Variants in IFIT1 observed in about 807,000 individuals in gnomAD.
The protein encoded by IFIT1 is antiviral innate immune response effector IFIT1.
A neutral mutation model predicts 2.5 loss-of-function variants in IFIT1; 1 was observed. The observed-to-expected ratio is 0.40, with a 90% CI of 0.14 to 1.92. The LOEUF is 1.92. IFIT1 is among the 40% of genes most tolerant of loss of function. The pLI, the probability that IFIT1 is intolerant of heterozygous loss-of-function variation, is 0.31. For synonymous variants in IFIT1, 191 were observed against 201.7 expected, an observed-to-expected ratio of 0.95 and a Z score of 0.45; for missense variants, 508 against 557.8, an observed-to-expected ratio of 0.91 and a Z score of 0.90.
rs187430618 is a variant in IFIT1 at position 89,403,753 on chromosome 10, A to C, written c.*41A>C. On this transcript the variant is annotated 3_prime_UTR_variant, in exon 2 of 2. Transcript: ENST00000371804. ...CCACTTTCACATTTCATTTCATTTT[A>C]TGCTAACATTTACTAATCATCTTTT... 2.8e-6 allele frequency: 3 copies of C among 1,086,376 alleles called. No homozygotes were observed. The South Asian group carries it at 4.5e-5, about 16-fold the overall frequency. 67.3% of individuals were successfully genotyped at this position (1,086,376 alleles called of 1,614,324 possible). A position where few individuals can be genotyped will look rare whatever the true frequency, so the allele number is the denominator to read the frequency against.
Position 89,403,683 on chromosome 10 carries a change from T to A in IFIT1, c.1408T>A (p.Phe470Ile). The A allele has an allele frequency of 1.3e-6, 2 of 1,598,440 alleles. No individual in the cohort carries two copies. The highest frequency in any genetic ancestry group is 1.7e-6 in the Non-Finnish European group (2 of 1,174,568). Residue 470 changes from phenylalanine (F) to isoleucine (I), a missense_variant, in exon 2 of 2, where the codon TTT becomes ATT. Phe to Ile is a conservative substitution (Grantham distance 21). Coordinates refer to ENST00000371804, the MANE Select transcript of IFIT1 (RefSeq NM_001548.5). ...YERALRLAAD[F>I]ENSVRQGP Reference sequence around the variant, plus strand: ...GCGGGCCCTGAGACTGGCTGCTGACTTTGAGAACTCTGTGAGACAAGGTCC... The same window carrying A: ...GCGGGCCCTGAGACTGGCTGCTGACATTGAGAACTCTGTGAGACAAGGTCC...
In IFIT1 at chr10:89,403,621, T is replaced by G; in HGVS notation, c.1346T>G (p.Leu449Trp). The G allele has an allele frequency of 6.2e-7, 1 of 1,614,074 alleles. No homozygotes were observed. The highest frequency in any genetic ancestry group is 8.5e-7 in the Non-Finnish European group (1 of 1,179,978). ...SLSLLGFVYKLEGNMNEALEY... is the reference protein window; with the variant it reads ...SLSLLGFVYKWEGNMNEALEY... ...AGCCTCCTTGGGTTCGTCTACAAAT[T>G]GGAAGGAAATATGAATGAAGCCCTG... The change falls in exon 2 of 2, where the codon TTG becomes TGG. Residue 449 changes from leucine (L) to tryptophan (W), a missense_variant. Physicochemically the swap from Leu to Trp is moderately conservative, Grantham distance 61. Transcript: ENST00000371804.
chr10:89,401,332 G>A (rs531055950), intron 1 of IFIT1, among the ~76,000 whole-genome samples: 3 of 152,038 alleles, frequency 2.0e-5, no homozygotes, highest in African/African-American at 4.8e-5. Context: ...ATGTTGGTCA[G>A]CTGGTCTCAA....
intron 1 of IFIT1, among the ~76,000 whole-genome samples, chr10:89,400,843 G>A (rs1001597773): frequency 1.3e-5 from 2 of 152,122 alleles, no homozygotes; most frequent in African/African-American, 2.4e-5. Flanking sequence ...ATTCCTGATC[G>A]TGGAGGAAAA....
chr10:89,401,399 G>T (rs1473122702), intron 1 of IFIT1, among the ~76,000 whole-genome samples: 1 of 152,098 alleles, frequency 6.6e-6, no homozygotes, highest in Non-Finnish European at 1.5e-5. Flanking sequence ...GGGATTACAG[G>T]TGTGAGCCAC....
intron 1 of IFIT1, among the ~76,000 whole-genome samples, chr10:89,397,994 A>G (rs1433107118): frequency 1.3e-5 from 2 of 152,168 alleles, no homozygotes; most frequent in Admixed American, 6.5e-5. Context: ...TTTATTGTGC[A>G]ACCATGACCA....
intron 1 of IFIT1, among the ~76,000 whole-genome samples, chr10:89,400,545 G>A (rs559993655): frequency 6.6e-6 from 1 of 152,254 alleles, no homozygotes; most frequent in African/African-American, 2.4e-5. Context: ...TTTTGTAAAT[G>A]GGATTGTTTT....
At position 89,393,103 on chromosome 10, in the gene IFIT1, G is replaced by T. The variant is rs752482618; in HGVS notation, c.5+386G>T. On this transcript the variant is annotated intron_variant, in intron 1 of 1. Transcript: ENST00000371804. ...TGTCTGAGTAGAGGCATTGCTTTCT[G>T]CAGGTTCTTTACCACAGAGAAAAAG... 100 of 1,293,226 alleles carry T rather than the reference G, an allele frequency of 7.7e-5. 1 individual carries two copies. The highest frequency in any genetic ancestry group is 9.2e-5 in the Non-Finnish European group (91 of 991,978). 80.1% of individuals were successfully genotyped at this position (1,293,226 alleles called of 1,614,324 possible). A position where few individuals can be genotyped will look rare whatever the true frequency, so the allele number is the denominator to read the frequency against.
chr10:89,395,479 A>AT (rs1016859192), intron 1 of IFIT1, among the ~76,000 whole-genome samples: 17 of 151,790 alleles, frequency 1.1e-4, no homozygotes, highest in African/African-American at 3.6e-4. Flanking sequence ...TTCACATACT[A>AT]TTTTTTTCAA....
chr10:89,402,974 A>T lies in IFIT1; in HGVS notation c.699A>T (p.Glu233Asp). 1 of 1,614,118 alleles carries T rather than the reference A, an allele frequency of 6.2e-7. No individual in the cohort carries two copies. The highest frequency in any genetic ancestry group is 8.5e-7 in the Non-Finnish European group (1 of 1,180,022). The change falls in exon 2 of 2, where the codon GAA becomes GAT. Residue 233 changes from glutamate to aspartate, a missense_variant. By Grantham distance (45) the Glu-to-Asp change is conservative. Transcript: ENST00000371804. ...LALKLQDEGQ[E>D]AEGEKYIEEA... ...TGAAGCTTCAGGATGAAGGACAGGA[A>T]GCTGAAGGAGAAAAGTACATTGAAG...
chr10:89,400,203 A>G (rs192136159), intron 1 of IFIT1, among the ~76,000 whole-genome samples: 12 of 152,316 alleles, frequency 7.9e-5, no homozygotes, highest in Admixed American at 5.2e-4. Flanking sequence ...TTGAAATCAG[A>G]ATGTGTGAGA....
At position 89,399,855 on chromosome 10, in the gene IFIT1, C is replaced by A. The variant is rs77358722; in HGVS notation, c.6-2426C>A. Among the ~76,000 whole-genome samples, 42 of 152,186 alleles carry A rather than the reference C, an allele frequency of 2.8e-4. No individual in the cohort carries two copies. The East Asian group carries it at 7.5e-3, about 27-fold the overall frequency. ...CCAACAGAGCTGGTGTCCTTAGACA[C>A]CAAAGCTCACTCTCTCTCTCTCTGT... On this transcript the variant is annotated intron_variant, in intron 1 of 1. Coordinates refer to ENST00000371804, the MANE Select transcript of IFIT1 (RefSeq NM_001548.5).
In IFIT1 at chr10:89,403,753, A is replaced by G. The variant is rs187430618; in HGVS notation, c.*41A>G. On this transcript the variant is annotated 3_prime_UTR_variant, in exon 2 of 2. Transcript: ENST00000371804. Reference sequence around the variant, plus strand: ...CCACTTTCACATTTCATTTCATTTTATGCTAACATTTACTAATCATCTTTT... The same window carrying G: ...CCACTTTCACATTTCATTTCATTTTGTGCTAACATTTACTAATCATCTTTT... The G allele has an allele frequency of 1.0e-5, 11 of 1,086,374 alleles. 1 individual carries two copies. The Admixed American group carries it at 1.7e-4, about 17-fold the overall frequency. 67.3% of individuals were successfully genotyped at this position (1,086,374 alleles called of 1,614,324 possible). A position where few individuals can be genotyped will look rare whatever the true frequency, so the allele number is the denominator to read the frequency against.
chr10:89,401,860 T>G (rs1423167686), intron 1 of IFIT1, among the ~76,000 whole-genome samples: 1 of 151,916 alleles, frequency 6.6e-6, no homozygotes, highest in Non-Finnish European at 1.5e-5. Context: ...ACATGCAGAG[T>G]AAGGTCCTGA....
chr10:89,396,565 C>T (rs1040408548), intron 1 of IFIT1, among the ~76,000 whole-genome samples: 2 of 152,164 alleles, frequency 1.3e-5, no homozygotes, highest in Admixed American at 6.5e-5. Flanking sequence ...AGAATTCACT[C>T]ACTACTACTA....
chr10:89,392,867 A>G, intron 1 of IFIT1, 150 bp downstream of exon 1: 1 of 795,902 alleles, frequency 1.3e-6, no homozygotes, highest in Non-Finnish European at 2.1e-6. Context: ...GTGTGCATGC[A>G]TGTGTGTGCA....
At chr10:89,401,921 A>T (rs754296996) in intron 1 of IFIT1, among the ~76,000 whole-genome samples, 1 of 152,216 alleles carries the variant, frequency 6.6e-6, no homozygotes, top group African/African-American at 2.4e-5. Context: ...TGTCCTAATT[A>T]TCTTAATATT....
chr10:89,403,749 T>C lies in IFIT1; in HGVS notation c.*37T>C. Reference sequence around the variant, plus strand: ...TCAGCCACTTTCACATTTCATTTCATTTTATGCTAACATTTACTAATCATC... The same window carrying C: ...TCAGCCACTTTCACATTTCATTTCACTTTATGCTAACATTTACTAATCATC... On this transcript the variant is annotated 3_prime_UTR_variant, in exon 2 of 2. Coordinates refer to ENST00000371804, the MANE Select transcript of IFIT1 (RefSeq NM_001548.5). 8.9e-7 allele frequency: 1 copy of C among 1,129,934 alleles called. No individual in the cohort carries two copies. The allele number at this position is 1,129,934 out of a possible 1,614,324, so 70.0% of individuals were successfully genotyped here.
rs1279818995 is a variant in IFIT1, at chr10:89,403,246, C to T, written c.971C>T (p.Ser324Leu). Reference sequence around the variant, plus strand: ...GAAAAGCTAGACAAAATGATAAGATCAGCCATATTTCATTTTGAATCTGCA... The same window carrying T: ...GAAAAGCTAGACAAAATGATAAGATTAGCCATATTTCATTTTGAATCTGCA... ...NREKLDKMIR[S>L]AIFHFESAVE... The change falls in exon 2 of 2, where the codon TCA (serine) becomes TTA (leucine). Residue 324 changes from serine (S) to leucine (L), a missense_variant. By Grantham distance (145) the Ser-to-Leu change is moderately radical (BLOSUM62 -2). Transcript: ENST00000371804. 3.1e-6 allele frequency: 5 copies of T among 1,614,162 alleles called. No homozygotes were observed. The highest frequency in any genetic ancestry group is 4.2e-6 in the Non-Finnish European group (5 of 1,180,034).
Sources: allele counts gnomAD v4.1 joint callset (sites outside exome capture counted in the v4.1 genomes callset), GRCh38; gene constraint gnomAD v4.1.1; transcripts MANE v1.5; gene names NCBI Gene and HGNC (gene_info 2026-07-23, HGNC 2026-07-21).